Variants in CTNNA3 observed in about 807,000 individuals in gnomAD.
The protein encoded by CTNNA3 is catenin alpha-3.
In CTNNA3, 76 loss-of-function variants were observed where a neutral mutation model predicts 95.7. The observed-to-expected ratio is 0.79, with a 90% CI of 0.66 to 0.96. CTNNA3 has a LOEUF of 0.96. Among genes scored for constraint, CTNNA3 ranks in the 40% least tolerant of loss-of-function variants. CTNNA3 has a pLI of 0.00. For missense variants in CTNNA3, 1,191 were observed against 1,089.8 expected, an observed-to-expected ratio of 1.09 and a Z score of -1.31; for synonymous variants, 431 against 374.4, an observed-to-expected ratio of 1.15 and a Z score of -1.74.
At chr10:66,336,506 T>A (rs1180300242) in intron 12 of CTNNA3, among the ~76,000 whole-genome samples, 4 of 152,114 alleles carry the variant, frequency 2.6e-5, no homozygotes, top group African/African-American at 9.7e-5. Context: ...AACCTCTCTA[T>A]CCTCCAGGAA....
intron 5 of CTNNA3, among the ~76,000 whole-genome samples, chr10:67,445,504 C>T (rs1296195676): frequency 6.6e-6 from 1 of 152,010 alleles, no homozygotes; most frequent in Non-Finnish European, 1.5e-5. Context: ...AACAAACCTA[C>T]TGCAACCCAC....
At chr10:67,177,117 G>T (rs1366639509) in intron 7 of CTNNA3, 1 of 369,454 alleles carries the variant, frequency 2.7e-6, no homozygotes, top group East Asian at 7.4e-5. Context: ...TATATATTAG[G>T]GCAAACATAC....
At chr10:65,949,745 T>G (rs570492407) in intron 17 of CTNNA3, among the ~76,000 whole-genome samples, 1 of 152,312 alleles carries the variant, frequency 6.6e-6, no homozygotes, top group East Asian at 1.9e-4. Flanking sequence ...TTATTAGCGA[T>G]TGGTTGTCAG....
intron 7 of CTNNA3, among the ~76,000 whole-genome samples, chr10:67,149,477 C>G (rs1043402707): frequency 6.6e-6 from 1 of 152,052 alleles, no homozygotes; most frequent in African/African-American, 2.4e-5. Context: ...CCCAGCTTCT[C>G]GGGAGGCTGA....
chr10:67,735,725 C>T (rs1476057730), intron 1 of CTNNA3, among the ~76,000 whole-genome samples: 1 of 152,080 alleles, frequency 6.6e-6, no homozygotes, highest in Non-Finnish European at 1.5e-5. Context: ...AGTGCACTGC[C>T]GTTGCTATGG....
chr10:67,635,160 G>C (rs1429808653), intron 2 of CTNNA3, among the ~76,000 whole-genome samples: 1 of 152,082 alleles, frequency 6.6e-6, no homozygotes, highest in Non-Finnish European at 1.5e-5. Context: ...AATGAGTTCT[G>C]AAATTGAGGC....
chr10:66,731,722 T>C (rs1848966207), intron 9 of CTNNA3, among the ~76,000 whole-genome samples: 1 of 152,234 alleles, frequency 6.6e-6, no homozygotes, highest in African/African-American at 2.4e-5. Context: ...TCATGGTGTA[T>C]TGCACATGCT....
At chr10:67,181,238 T>A (rs1195907908) in intron 6 of CTNNA3, among the ~76,000 whole-genome samples, 1 of 152,226 alleles carries the variant, frequency 6.6e-6, no homozygotes, top group African/African-American at 2.4e-5. Flanking sequence ...TTCTTCCTGT[T>A]GATCTATTAT....
At chr10:67,728,035 T>C (rs1038002409) in intron 1 of CTNNA3, among the ~76,000 whole-genome samples, 1 of 141,466 alleles carries the variant, frequency 7.1e-6, no homozygotes, top group South Asian at 2.1e-4. Flanking sequence ...ATATATGATA[T>C]ATAATTATAA....
chr10:67,661,824 C>T (rs901482094), intron 1 of CTNNA3, among the ~76,000 whole-genome samples: 5 of 151,940 alleles, frequency 3.3e-5, no homozygotes, highest in Non-Finnish European at 7.4e-5. Flanking sequence ...CAAATTAAAG[C>T]CAAAATATGT....
intron 10 of CTNNA3, among the ~76,000 whole-genome samples, chr10:66,581,023 T>C (rs1386565291): frequency 6.6e-6 from 1 of 151,774 alleles, no homozygotes; most frequent in Non-Finnish European, 1.5e-5. Context: ...CCTGAGTTAC[T>C]TCACTTAGAA....
At chr10:65,987,146 T>C (rs950910755) in intron 16 of CTNNA3, among the ~76,000 whole-genome samples, 2 of 151,994 alleles carry the variant, frequency 1.3e-5, no homozygotes, top group African/African-American at 4.8e-5. Flanking sequence ...AAAGATTTGA[T>C]GGCTAACACC....
intron 11 of CTNNA3, among the ~76,000 whole-genome samples, chr10:66,422,619 T>C (rs558621039): frequency 6.6e-6 from 1 of 152,288 alleles, no homozygotes; most frequent in Non-Finnish European, 1.5e-5. Context: ...TCTTCTGGCA[T>C]GCAACTGTAG....
At chr10:66,206,680 A>G (rs2087777385) in intron 13 of CTNNA3, among the ~76,000 whole-genome samples, 1 of 151,852 alleles carries the variant, frequency 6.6e-6, no homozygotes. Context: ...ATTTGGCCAT[A>G]TCATCTACAC....
chr10:66,728,735 G>C lies in CTNNA3; in HGVS notation c.1281+37529C>G, dbSNP rs530207410. On this transcript the variant is annotated intron_variant, in intron 9 of 17. Transcript: ENST00000433211. ...CTCGAATAGCTGGAATTATAGGTGT[G>C]TGCAACCATGCCCAGCTAATTTTTG... is the stretch of plus-strand genomic sequence containing the variant. 3.4e-4 allele frequency among the ~76,000 whole-genome samples: 51 copies of C among 152,116 alleles called. No individual in the cohort carries two copies. In the East Asian group the frequency reaches 9.9e-3, roughly 29 times the overall value.
intron 7 of CTNNA3, among the ~76,000 whole-genome samples, chr10:66,915,721 T>TAC (rs541972612): frequency 1.9e-4 from 28 of 146,820 alleles, no homozygotes; most frequent in African/African-American, 7.2e-4. Flanking sequence ...AATATATATA[T>TAC]ATACACACAC....
At position 66,529,424 on chromosome 10, in the gene CTNNA3, GC is replaced by G. The variant is rs1216989846; in HGVS notation, c.1375-8652del. Reference sequence around the variant, plus strand: ...TGGGATTACAGGCGTGAGCCACCGAGCCCAGCCAAACAGTGTTTTTTTTTTG... The same window carrying G: ...TGGGATTACAGGCGTGAGCCACCGAGCCAGCCAAACAGTGTTTTTTTTTTG... On this transcript the variant is annotated intron_variant, in intron 10 of 17. Transcript: ENST00000433211. 7.5e-5 allele frequency among the ~76,000 whole-genome samples: 11 copies of G among 147,610 alleles called. 1 individual carries two copies. The highest frequency in any genetic ancestry group is 6.9e-4 in the Admixed American group (10 of 14,596).
intron 10 of CTNNA3, among the ~76,000 whole-genome samples, chr10:66,536,777 C>CTAATTACATA (rs1841674600): frequency 6.6e-6 from 1 of 151,984 alleles, no homozygotes; most frequent in African/African-American, 2.4e-5. Flanking sequence ...GTAATTGAAC[C>CTAATTACATA]TAAGTTTATT....
rs1005618794 is a variant in CTNNA3 at position 67,694,758 on chromosome 10, GA to G, written c.-6+1241del. On this transcript the variant is annotated intron_variant, in intron 1 of 17. Coordinates refer to ENST00000433211, the MANE Select transcript of CTNNA3 (RefSeq NM_013266.4). ...TTGCAATTATTTTTAAAGCCATCTA[GA>G]AAAAAAAAGACTAGAAGGAAACACA... Among the ~76,000 whole-genome samples, 8 of 149,124 alleles carry G rather than the reference GA, an allele frequency of 5.4e-5. No homozygotes were observed. The South Asian group carries it at 6.3e-4, about 12-fold the overall frequency.
Sources: gnomAD v4.1 joint callset for allele counts (sites outside exome capture counted in the v4.1 genomes callset) on GRCh38, gnomAD v4.1.1 for gene constraint, MANE v1.5 for transcripts, NCBI Gene and HGNC (gene_info 2026-07-23, HGNC 2026-07-21) for gene names.